Variants in FRMD4A observed in about 807,000 individuals in gnomAD.
The protein encoded by FRMD4A is FERM domain containing 4A, also known as FERM domain-containing protein 4A.
Under a neutral mutation model 129.1 loss-of-function variants are expected in FRMD4A, and 29 were observed. The ratio of observed to expected loss-of-function variants is 0.22; its 90% CI spans 0.17 to 0.31. The LOEUF is 0.31. Ranked by LOEUF, FRMD4A falls within the 10% of genes least tolerant of loss-of-function variation. FRMD4A has a pLI of 1.00. For synonymous variants in FRMD4A, 634 were observed against 571.6 expected (o/e 1.11, Z -1.56); for missense variants, 1,272 against 1,375.8 (o/e 0.92, Z 1.19).
chr10:14,227,541 G>A (rs544361362), intron 2 of FRMD4A, among the ~76,000 whole-genome samples: 1 of 151,776 alleles, frequency 6.6e-6, no homozygotes, highest in South Asian at 2.1e-4. Flanking sequence ...TGTGAGCCAG[G>A]GTGCCCAGCC....
Position 14,071,061 on chromosome 10 carries a change from C to T in FRMD4A, c.46-212149G>A, listed in dbSNP as rs149000220. 4.0e-3 allele frequency among the ~76,000 whole-genome samples: 611 copies of T among 152,342 alleles called. 1 individual carries two copies. Among genetic ancestry groups the T allele is most frequent in the Non-Finnish European group, 5.8e-3 (393 of 68,034 alleles). On this transcript the variant is annotated intron_variant, in intron 2 of 24. Transcript: ENST00000357447. ...GAGATCGCTGATGTACCAAGGCAAACGCCCCTTACCAGGGAAAGAACCCGG... is the reference window on the plus strand; with the variant it reads ...GAGATCGCTGATGTACCAAGGCAAATGCCCCTTACCAGGGAAAGAACCCGG...
chr10:14,248,554 T>C (rs1844327235), intron 2 of FRMD4A, among the ~76,000 whole-genome samples: 1 of 152,230 alleles, frequency 6.6e-6, no homozygotes, highest in Non-Finnish European at 1.5e-5. Flanking sequence ...TGGAAATTTT[T>C]TCCCAAGCTG....
At chr10:14,105,463 AATT>A (rs1173245870) in intron 2 of FRMD4A, among the ~76,000 whole-genome samples, 5 of 152,196 alleles carry the variant, frequency 3.3e-5, no homozygotes, top group Non-Finnish European at 7.3e-5. Context: ...CTCTCTATAA[AATT>A]ATTAATGGAG....
rs545324435 is a variant in FRMD4A, at chr10:14,042,355, A to G, written c.46-183443T>C. On this transcript the variant is annotated intron_variant, in intron 2 of 24. Coordinates refer to ENST00000357447, the MANE Select transcript of FRMD4A (RefSeq NM_018027.5). Reference sequence around the variant, plus strand: ...TTAAAAAGTTCTAAGTTACAGGCCAATCAGGACAAATACAGAATGTGAGGT... The same window carrying G: ...TTAAAAAGTTCTAAGTTACAGGCCAGTCAGGACAAATACAGAATGTGAGGT... Among the ~76,000 whole-genome samples the G allele has an allele frequency of 2.6e-5, 4 of 152,308 alleles. No homozygotes were observed. In the South Asian group the frequency reaches 6.2e-4, roughly 24 times the overall value.
At chr10:13,987,695 G>A (rs1222725532) in intron 2 of FRMD4A, among the ~76,000 whole-genome samples, 2 of 152,060 alleles carry the variant, frequency 1.3e-5, no homozygotes, top group Admixed American at 6.6e-5. Context: ...TCTCTTCCCC[G>A]ACCACGAGGA....
intron 2 of FRMD4A, among the ~76,000 whole-genome samples, chr10:14,191,309 C>G (rs1162887012): frequency 2.0e-5 from 3 of 152,158 alleles, no homozygotes; most frequent in African/African-American, 7.2e-5. Context: ...AGAATTTTAT[C>G]TAAATGGACA....
intron 2 of FRMD4A, among the ~76,000 whole-genome samples, chr10:13,930,473 G>T (rs1024021251): frequency 3.9e-5 from 6 of 152,334 alleles, no homozygotes; most frequent in African/African-American, 7.2e-5. Context: ...CCTCAGCTCT[G>T]CAGACCCATT....
rs574563939 is a variant in FRMD4A, at chr10:14,209,275, G to A, written c.45+120783C>T. On this transcript the variant is annotated intron_variant, in intron 2 of 24. Transcript: ENST00000357447. ...TGGATTTCTGGGTGCCTCTATCCAC[G>A]CTGGCATTTTAACACTCCTGTGGCA... Among the ~76,000 whole-genome samples the A allele has an allele frequency of 1.1e-4, 16 of 152,134 alleles. No homozygotes were observed. In the East Asian group the frequency reaches 2.5e-3, roughly 24 times the overall value.
At chr10:13,771,934 A>C (rs11258590) in intron 6 of FRMD4A, among the ~76,000 whole-genome samples, 8,294 of 151,396 alleles carry the variant, frequency 0.055, 757 homozygotes, top group African/African-American at 0.19. Flanking sequence ...AAAACCAAAC[A>C]AAACAAAACA....
intron 24 of FRMD4A, chr10:13,649,135 CTT>C (rs1322489878): frequency 1.3e-5 from 2 of 152,094 alleles, no homozygotes; most frequent in African/African-American, 2.4e-5. Context: ...AGTTGACTCT[CTT>C]GTATGTTGGA....
In FRMD4A at chr10:13,845,652, C is replaced by T. The variant is rs148990655; in HGVS notation, c.111+13195G>A. Reference sequence around the variant, plus strand: ...GCCTCTGATCCCAGCCTAAGAGATGCCCATGTTGTGCCAGACAGTCTTGGG... The same window carrying T: ...GCCTCTGATCCCAGCCTAAGAGATGTCCATGTTGTGCCAGACAGTCTTGGG... On this transcript the variant is annotated intron_variant, in intron 3 of 24. Coordinates refer to ENST00000357447, the MANE Select transcript of FRMD4A (RefSeq NM_018027.5). 3.2e-3 allele frequency among the ~76,000 whole-genome samples: 484 copies of T among 152,282 alleles called. 2 individuals are homozygous for T. The highest frequency in any genetic ancestry group is 0.011 in the African/African-American group (462 of 41,554).
At chr10:14,205,697 C>G (rs758577848) in intron 2 of FRMD4A, among the ~76,000 whole-genome samples, 2 of 149,818 alleles carry the variant, frequency 1.3e-5, no homozygotes, top group African/African-American at 2.5e-5. Context: ...GTCCCAGCTA[C>G]TCAGGAGGCT....
In FRMD4A at chr10:13,685,204, A is replaced by G. The variant is rs960425841; in HGVS notation, c.1117+8694T>C. On this transcript the variant is annotated intron_variant, in intron 15 of 24. Transcript: ENST00000357447. Reference sequence around the variant, plus strand: ...CATCAGGCTTAGAAATTTTAGAAATAAAATAGTTCATTTCAGAGAGCATTG... The same window carrying G: ...CATCAGGCTTAGAAATTTTAGAAATGAAATAGTTCATTTCAGAGAGCATTG... 4 of 984,510 alleles carry G rather than the reference A, an allele frequency of 4.1e-6. No individual in the cohort carries two copies. The South Asian group carries it at 1.4e-4, about 35-fold the overall frequency. 61.0% of individuals were successfully genotyped at this position (984,510 alleles called of 1,614,324 possible).
intron 2 of FRMD4A, among the ~76,000 whole-genome samples, chr10:13,916,082 C>G (rs989000351): frequency 6.6e-6 from 1 of 152,250 alleles, no homozygotes; most frequent in Non-Finnish European, 1.5e-5. Context: ...GGCAGGTCAA[C>G]TGGAACTGCA....
At chr10:13,673,230 C>T (rs546070462) in intron 16 of FRMD4A, among the ~76,000 whole-genome samples, 1 of 152,280 alleles carries the variant, frequency 6.6e-6, no homozygotes, top group African/African-American at 2.4e-5. Flanking sequence ...ATAGCGCATT[C>T]CCCAGCCAGG....
At chr10:13,701,268 C>T (rs1589443899) in intron 14 of FRMD4A, 72 bp downstream of exon 14, 3 of 1,428,662 alleles carry the variant, frequency 2.1e-6, no homozygotes, top group Non-Finnish European at 2.9e-6. Context: ...CTCCCCCACC[C>T]ATCCGATCCT....
intron 5 of FRMD4A, 92 bp from the exon 6 acceptor site, chr10:13,783,098 G>A: frequency 2.8e-6 from 2 of 724,302 alleles, no homozygotes; most frequent in South Asian, 3.0e-5. Flanking sequence ...ATGAAAGCTG[G>A]CATTCCCCAT....
Position 14,064,632 on chromosome 10 carries a change from C to G in FRMD4A, c.46-205720G>C, listed in dbSNP as rs1254374036. Among the ~76,000 whole-genome samples the G allele has an allele frequency of 3.3e-5, 5 of 152,122 alleles. No homozygotes were observed. The South Asian group carries it at 1.0e-3, about 32-fold the overall frequency. ...TTGCTCCATCGTCTAGGCTGGAGTA[C>G]AGTGGCGCGATCTCGGCTCACTGCA... is the stretch of plus-strand genomic sequence containing the variant. On this transcript the variant is annotated intron_variant, in intron 2 of 24. Transcript: ENST00000357447.
At chr10:14,124,341 C>G (rs974254201) in intron 2 of FRMD4A, among the ~76,000 whole-genome samples, 13 of 152,192 alleles carry the variant, frequency 8.5e-5, no homozygotes, top group African/African-American at 3.1e-4. Flanking sequence ...AGGATACCTG[C>G]TATTACCCCC....
Sources: allele counts gnomAD v4.1 joint callset (sites outside exome capture counted in the v4.1 genomes callset), GRCh38; gene constraint gnomAD v4.1.1; transcripts MANE v1.5; gene names NCBI Gene and HGNC (gene_info 2026-07-23, HGNC 2026-07-21).